Variants in PDE4B observed in about 807,000 individuals in gnomAD.
PDE4B encodes 3',5'-cyclic-AMP phosphodiesterase 4B.
In PDE4B, 20 loss-of-function variants were observed where a neutral mutation model predicts 82.2. The ratio of observed to expected loss-of-function variants is 0.24; its 90% CI spans 0.17 to 0.35. PDE4B has a LOEUF of 0.35. Among genes scored for constraint, PDE4B ranks in the 10% least tolerant of loss-of-function variants. The probability of loss-of-function intolerance (pLI) is 1.00; values close to 1 mark genes in which losing one functional copy is unlikely to be tolerated. For synonymous variants in PDE4B, 320 were observed against 318.9 expected (o/e 1.00, Z -0.04); for missense variants, 655 against 907.2 (o/e 0.72, Z 3.57).
At chr1:66,222,908 T>C (rs932031489) in intron 3 of PDE4B, among the ~76,000 whole-genome samples, 1 of 152,216 alleles carries the variant, frequency 6.6e-6, no homozygotes, top group African/African-American at 2.4e-5. Context: ...CTTTTCATTA[T>C]TTTTTATAAA....
At chr1:66,126,305 T>C (rs1446849889) in intron 3 of PDE4B, among the ~76,000 whole-genome samples, 1 of 152,200 alleles carries the variant, frequency 6.6e-6, no homozygotes, top group Non-Finnish European at 1.5e-5. Flanking sequence ...ACTAACAAAA[T>C]AATCAAGATG....
At chr1:66,348,207 C>A (rs917009716) in intron 8 of PDE4B, among the ~76,000 whole-genome samples, 10 of 152,142 alleles carry the variant, frequency 6.6e-5, no homozygotes, top group Non-Finnish European at 1.0e-4. Flanking sequence ...TAGAAGCTTT[C>A]AGTTAAATAT....
At chr1:66,329,675 C>T (rs1659974075) in intron 7 of PDE4B, among the ~76,000 whole-genome samples, 1 of 152,212 alleles carries the variant, frequency 6.6e-6, no homozygotes, top group African/African-American at 2.4e-5. Flanking sequence ...AACTGGCTAC[C>T]ATCCTAGGCA....
At chr1:65,870,505 G>T (rs111928305) in intron 1 of PDE4B, among the ~76,000 whole-genome samples, 3,053 of 151,982 alleles carry the variant, frequency 0.02, 53 homozygotes, top group South Asian at 0.073. Flanking sequence ...GTTTTTTTGA[G>T]GTCTCATTGT....
chr1:65,988,923 T>C (rs1353088341), intron 3 of PDE4B, among the ~76,000 whole-genome samples: 1 of 152,174 alleles, frequency 6.6e-6, no homozygotes, highest in East Asian at 1.9e-4. Flanking sequence ...TCATCCAAAA[T>C]AATTGTATTA....
chr1:66,131,732 T>C (rs1012900732), intron 3 of PDE4B, among the ~76,000 whole-genome samples: 2 of 150,302 alleles, frequency 1.3e-5, no homozygotes, highest in African/African-American at 2.4e-5. Context: ...GAACCTACTA[T>C]GTACCAGACA....
chr1:65,997,054 G>A (rs576174465), intron 3 of PDE4B, among the ~76,000 whole-genome samples: 14 of 152,068 alleles, frequency 9.2e-5, no homozygotes, highest in African/African-American at 2.7e-4. Flanking sequence ...AACTTCAGTC[G>A]TCAGTTCTCT....
intron 3 of PDE4B, among the ~76,000 whole-genome samples, chr1:66,028,354 G>A (rs1417000511): frequency 2.0e-5 from 3 of 152,160 alleles, no homozygotes; most frequent in Non-Finnish European, 2.9e-5. Flanking sequence ...ACAGCATAGG[G>A]AACCTGGGCC....
chr1:66,234,638 G>C (rs1363811349), intron 3 of PDE4B, among the ~76,000 whole-genome samples: 1 of 151,936 alleles, frequency 6.6e-6, no homozygotes, highest in Non-Finnish European at 1.5e-5. Flanking sequence ...TATCTTTAGA[G>C]TCTATCCTGT....
At chr1:66,185,214 C>T (rs1488857318) in intron 3 of PDE4B, among the ~76,000 whole-genome samples, 3 of 152,164 alleles carry the variant, frequency 2.0e-5, no homozygotes, top group South Asian at 2.1e-4. Flanking sequence ...TGTATATGTG[C>T]CTCATTTTCT....
intron 3 of PDE4B, among the ~76,000 whole-genome samples, chr1:66,218,225 TA>T (rs1330100492): frequency 6.6e-6 from 1 of 152,086 alleles, no homozygotes; most frequent in Non-Finnish European, 1.5e-5. Flanking sequence ...AGGAGGAAGC[TA>T]GGTTACTCCT....
intron 3 of PDE4B, among the ~76,000 whole-genome samples, chr1:66,239,925 A>G (rs1217283708): frequency 1.3e-5 from 2 of 152,262 alleles, no homozygotes; most frequent in Non-Finnish European, 2.9e-5. Context: ...AAGCTTTCTA[A>G]CAAAGGAACA....
At chr1:66,062,929 A>C (rs1365092962) in intron 3 of PDE4B, 4 of 152,048 alleles carry the variant, frequency 2.6e-5, no homozygotes, top group African/African-American at 9.7e-5. Context: ...ATGGATCCTC[A>C]TGTTCCAGAA....
At chr1:65,846,422 C>T (rs1317619531) in intron 1 of PDE4B, among the ~76,000 whole-genome samples, 2 of 152,114 alleles carry the variant, frequency 1.3e-5, no homozygotes, top group Admixed American at 6.6e-5. Context: ...GTTGAGAAAT[C>T]GTAGAACATG....
chr1:66,027,396 G>A (rs1653506586), intron 3 of PDE4B, among the ~76,000 whole-genome samples: 1 of 152,100 alleles, frequency 6.6e-6, no homozygotes, highest in Non-Finnish European at 1.5e-5. Context: ...CCCACAACAT[G>A]TGGAAATTCT....
intron 3 of PDE4B, among the ~76,000 whole-genome samples, chr1:65,934,802 G>A (rs1381309642): frequency 6.6e-6 from 1 of 152,042 alleles, no homozygotes; most frequent in Non-Finnish European, 1.5e-5. Context: ...ATAATGAAAA[G>A]GTCAATTGAA....
intron 1 of PDE4B, among the ~76,000 whole-genome samples, chr1:65,877,923 G>T (rs191996543): frequency 6.6e-6 from 1 of 151,922 alleles, no homozygotes; most frequent in East Asian, 1.9e-4. Flanking sequence ...CACAGCAAAA[G>T]AAACTATCAT....
At chr1:66,095,655 G>C (rs2101004602) in intron 3 of PDE4B, among the ~76,000 whole-genome samples, 1 of 151,982 alleles carries the variant, frequency 6.6e-6, no homozygotes, top group Admixed American at 6.6e-5. Context: ...AACCATGCTA[G>C]TTCTCTATGA....
intron 1 of PDE4B, among the ~76,000 whole-genome samples, chr1:65,799,763 G>A (rs1645673563): frequency 6.6e-6 from 1 of 152,184 alleles, no homozygotes; most frequent in Admixed American, 6.5e-5. Context: ...TGAGAAGGAT[G>A]TAGCAGGACC....
Sources: gnomAD v4.1 joint callset for allele counts (sites outside exome capture counted in the v4.1 genomes callset) on GRCh38, gnomAD v4.1.1 for gene constraint, MANE v1.5 for transcripts, NCBI Gene and HGNC (gene_info 2026-07-23, HGNC 2026-07-21) for gene names.